Variants in SCN9A observed in about 807,000 individuals in gnomAD.
SCN9A encodes the protein sodium voltage-gated channel alpha subunit 9.
SCN9A carries 131 observed loss-of-function variants against 187.0 expected under a neutral mutation model. The ratio of observed to expected loss-of-function variants is 0.70; its 90% confidence interval spans 0.61 to 0.81. SCN9A has a LOEUF of 0.81. SCN9A is among the 30% of genes least tolerant of loss of function. The probability of loss-of-function intolerance (pLI) is 0.00; values close to 1 mark genes in which losing one functional copy is unlikely to be tolerated. For synonymous variants in SCN9A, 809 were observed against 808.6 expected (o/e 1.00, Z -0.01); for missense variants, 2,252 against 2,396.6 (o/e 0.94, Z 1.26).
At chr2:166,347,458 G>A (rs1405451854) in intron 1 of SCN9A, among the ~76,000 whole-genome samples, 1 of 152,030 alleles carries the variant, frequency 6.6e-6, no homozygotes, top group East Asian at 1.9e-4. Context: ...AATCACCCTG[G>A]GAGATCAACA....
At chr2:166,218,203 G>A (rs1694420722) in intron 24 of SCN9A, among the ~76,000 whole-genome samples, 1 of 141,646 alleles carries the variant, frequency 7.1e-6, no homozygotes, top group Non-Finnish European at 1.5e-5. Flanking sequence ...GTTATGCTAA[G>A]CAAAATTAGC....
intron 1 of SCN9A, among the ~76,000 whole-genome samples, chr2:166,316,709 G>A (rs1699119542): frequency 6.6e-6 from 1 of 152,126 alleles, no homozygotes; most frequent in Admixed American, 6.5e-5. Context: ...AATAAATAAA[G>A]TGTACAAACT....
intron 17 of SCN9A, among the ~76,000 whole-genome samples, chr2:166,266,398 C>T (rs776086427): frequency 6.6e-5 from 10 of 151,368 alleles, no homozygotes; most frequent in South Asian, 2.1e-4. Flanking sequence ...TTTCTGGGCT[C>T]TCTATTCTTA....
chr2:166,242,790 G>A (rs140435523), intron 18 of SCN9A, 134 bp from the exon 19 acceptor site: 19 of 590,038 alleles, frequency 3.2e-5, no homozygotes, highest in Admixed American at 2.5e-4. Context: ...TGCAATTTCA[G>A]ATAGATTTAA....
At chr2:166,323,671 C>G (rs1699297111) in intron 1 of SCN9A, among the ~76,000 whole-genome samples, 1 of 152,018 alleles carries the variant, frequency 6.6e-6, no homozygotes, top group Non-Finnish European at 1.5e-5. Context: ...CTGCAGTTCC[C>G]AAATGATTTA....
intron 1 of SCN9A, among the ~76,000 whole-genome samples, chr2:166,314,280 G>C (rs552927404): frequency 6.6e-6 from 1 of 152,308 alleles, no homozygotes; most frequent in East Asian, 1.9e-4. Context: ...GTATCTTGAA[G>C]TGCAATAAAG....
chr2:166,277,235 G>A lies in SCN9A; in HGVS notation c.2622C>T (p.Ala874=), dbSNP rs762893992. The A allele has an allele frequency of 6.2e-7, 1 of 1,614,022 alleles. No individual in the cohort carries two copies. Among genetic ancestry groups the A allele is most frequent in the Non-Finnish European group, 8.5e-7 (1 of 1,179,970 alleles). ...CCACAGCAAAAATGAAGACGATGAT[G>A]GCCAACACTAAGGTGAGGTTACCTA... ...GALGNLTLVL[A]IIVFIFAVVG... Residue 874 remains alanine, a synonymous_variant, in exon 16 of 27, where the codon GCC becomes GCT. Transcript: ENST00000642356.
intron 17 of SCN9A, among the ~76,000 whole-genome samples, chr2:166,269,165 A>T (rs1297594320): frequency 6.6e-6 from 1 of 151,992 alleles, no homozygotes; most frequent in Non-Finnish European, 1.5e-5. Flanking sequence ...GAATATTAAC[A>T]TCAAATGATT....
chr2:166,365,247 TATAC>T (rs1399404358), intron 1 of SCN9A, among the ~76,000 whole-genome samples: 3 of 152,174 alleles, frequency 2.0e-5, no homozygotes, highest in Admixed American at 2.0e-4. Flanking sequence ...TACATTTACA[TATAC>T]ATAAATAGTA....
chr2:166,370,346 A>G (rs1183898460), intron 1 of SCN9A, among the ~76,000 whole-genome samples: 2 of 151,244 alleles, frequency 1.3e-5, no homozygotes, highest in East Asian at 3.9e-4. Flanking sequence ...GATTGAGACC[A>G]TCCTGGCTAA....
chr2:166,264,195 T>A (rs1024642150), intron 17 of SCN9A, among the ~76,000 whole-genome samples: 4 of 151,990 alleles, frequency 2.6e-5, no homozygotes, highest in African/African-American at 9.7e-5. Context: ...TAGAGCATAG[T>A]AAGGTGTAAT....
At chr2:166,370,220 A>ATCATCATC (rs1553507698) in intron 1 of SCN9A, among the ~76,000 whole-genome samples, 1,037 of 97,788 alleles carry the variant, frequency 0.011, 8 homozygotes, top group African/African-American at 0.022. Context: ...TAATAATAAT[A>ATCATCATC]ATAATAATAA....
At chr2:166,268,741 A>C (rs1475731079) in intron 17 of SCN9A, among the ~76,000 whole-genome samples, 1 of 151,900 alleles carries the variant, frequency 6.6e-6, no homozygotes, top group Non-Finnish European at 1.5e-5. Context: ...CTAGATCTTG[A>C]ACCTTCATTA....
At position 166,238,201 on chromosome 2, in the gene SCN9A, T is replaced by G; in HGVS notation, c.3694A>C (p.Ile1232Leu). ...IKIILEYADK[I>L]FTYIFILEML... ...TCCAGAATGAAGATGTAAGTGAAGA[T>G]CTTGTCTGCATACTCCAGGATAATC... Residue 1232 changes from isoleucine (I) to leucine (L), a missense_variant, in exon 20 of 27, where the codon ATC becomes CTC. This residue lies in a region of SCN9A where 313 missense variants were observed against 295.3 expected (regional missense o/e 1.06). Transcript: ENST00000642356. The G allele has an allele frequency of 6.2e-7, 1 of 1,606,884 alleles. No individual in the cohort carries two copies. The highest frequency in any genetic ancestry group is 1.1e-5 in the South Asian group (1 of 90,164).
chr2:166,308,065 G>A (rs1230138970), intron 2 of SCN9A, among the ~76,000 whole-genome samples: 2 of 152,108 alleles, frequency 1.3e-5, no homozygotes, highest in Non-Finnish European at 2.9e-5. Flanking sequence ...AAACAAATCA[G>A]AGTCTATTGT....
At chr2:166,250,664 A>G (rs1235037797) in intron 18 of SCN9A, among the ~76,000 whole-genome samples, 1 of 152,072 alleles carries the variant, frequency 6.6e-6, no homozygotes, top group Non-Finnish European at 1.5e-5. Context: ...CAAATTCCAG[A>G]AGTAGTAAGA....
intron 1 of SCN9A, among the ~76,000 whole-genome samples, chr2:166,370,217 A>ATC (rs1553507690): frequency 0.043 from 3,347 of 77,778 alleles, 71 homozygotes; most frequent in African/African-American, 0.077. Flanking sequence ...TAATAATAAT[A>ATC]ATAATAATAA....
intron 1 of SCN9A, among the ~76,000 whole-genome samples, chr2:166,363,394 T>A (rs1252376570): frequency 6.6e-6 from 1 of 152,056 alleles, no homozygotes; most frequent in Non-Finnish European, 1.5e-5. Context: ...TTGTTTGATT[T>A]AATCATATCT....
intron 24 of SCN9A, among the ~76,000 whole-genome samples, chr2:166,216,180 C>T (rs6432885): frequency 0.44 from 67,367 of 151,668 alleles, 15,153 homozygotes; most frequent in Non-Finnish European, 0.48. Flanking sequence ...TTGATAAAAT[C>T]CAGCATATGT....
Sources: gnomAD v4.1 joint callset for allele counts (sites outside exome capture counted in the v4.1 genomes callset) on GRCh38, gnomAD v4.1.1 for gene constraint, gnomAD v4.1.1 regional missense constraint, MANE v1.5 for transcripts, NCBI Gene and HGNC (gene_info 2026-07-23, HGNC 2026-07-21) for gene names.